NKAIN2: variants seen among roughly 807,000 people sequenced by gnomAD.
NKAIN2 encodes the protein sodium/potassium-transporting ATPase subunit beta-1-interacting protein 2.
In NKAIN2, 14 loss-of-function variants were observed where a neutral mutation model predicts 32.6. That is an observed-to-expected ratio of 0.43 (90% CI 0.28 to 0.67). NKAIN2 has a LOEUF of 0.67. Ranked by LOEUF, NKAIN2 falls within the 30% of genes least tolerant of loss-of-function variation. The pLI is 0.17. For synonymous variants in NKAIN2, 80 were observed against 87.2 expected (o/e 0.92, Z 0.46); for missense variants, 198 against 258.3 (o/e 0.77, Z 1.60).
chr6:124,028,728 T>G (rs1264970247), intron 1 of NKAIN2, among the ~76,000 whole-genome samples: 1 of 149,014 alleles, frequency 6.7e-6, no homozygotes, highest in Non-Finnish European at 1.5e-5. Context: ...TGTATATACG[T>G]GTATACACGT....
intron 1 of NKAIN2, among the ~76,000 whole-genome samples, chr6:124,173,274 T>A (rs901543898): frequency 6.6e-6 from 1 of 152,180 alleles, no homozygotes; most frequent in Non-Finnish European, 1.5e-5. Context: ...GGTTGATTCT[T>A]AACATTTCAT....
intron 1 of NKAIN2, among the ~76,000 whole-genome samples, chr6:123,998,739 C>G (rs1220498110): frequency 1.6e-4 from 15 of 93,796 alleles, no homozygotes; most frequent in South Asian, 4.3e-4. Flanking sequence ...TTCTCTCTCT[C>G]TCTCTGTGTG....
At chr6:124,720,184 G>A (rs1490261104) in intron 4 of NKAIN2, among the ~76,000 whole-genome samples, 2 of 152,160 alleles carry the variant, frequency 1.3e-5, no homozygotes, top group African/African-American at 4.8e-5. Flanking sequence ...AAAGAAATGT[G>A]TAATTAAGCA....
intron 1 of NKAIN2, among the ~76,000 whole-genome samples, chr6:123,853,089 T>C (rs1775417371): frequency 6.6e-6 from 1 of 152,348 alleles, no homozygotes; most frequent in South Asian, 2.1e-4. Context: ...GTCTTGATAC[T>C]GTGTGCCACA....
intron 3 of NKAIN2, among the ~76,000 whole-genome samples, chr6:124,474,055 G>C (rs1777083944): frequency 6.6e-6 from 1 of 151,994 alleles, no homozygotes; most frequent in South Asian, 2.1e-4. Context: ...ATCAGTGGAA[G>C]CCAAAGCACA....
intron 1 of NKAIN2, among the ~76,000 whole-genome samples, chr6:124,146,684 A>AGGTATTCT (rs1787425750): frequency 6.6e-6 from 1 of 152,220 alleles, no homozygotes; most frequent in African/African-American, 2.4e-5. Context: ...ATTAGAAATG[A>AGGTATTCT]ATAAACACAC....
chr6:124,184,027 A>G (rs1286444664), intron 1 of NKAIN2, among the ~76,000 whole-genome samples: 1 of 152,190 alleles, frequency 6.6e-6, no homozygotes, highest in Non-Finnish European at 1.5e-5. Flanking sequence ...GAAAGAGCTC[A>G]GCAGACAGTA....
intron 4 of NKAIN2, among the ~76,000 whole-genome samples, chr6:124,782,540 G>A (rs1779317937): frequency 6.6e-6 from 1 of 152,128 alleles, no homozygotes; most frequent in Non-Finnish European, 1.5e-5. Flanking sequence ...CACTGGGGCA[G>A]CATACTCCTT....
intron 3 of NKAIN2, among the ~76,000 whole-genome samples, chr6:124,457,519 T>A (rs957256501): frequency 6.6e-6 from 1 of 151,930 alleles, no homozygotes; most frequent in Middle Eastern, 3.2e-3. Context: ...GAACTTCTCA[T>A]AAAAATTAAT....
At chr6:124,229,758 C>T (rs1792348118) in intron 1 of NKAIN2, among the ~76,000 whole-genome samples, 1 of 152,052 alleles carries the variant, frequency 6.6e-6, no homozygotes, top group Admixed American at 6.6e-5. Context: ...TGCCTGCTGC[C>T]ATCCATGTAA....
chr6:124,219,318 C>G (rs1370516827), intron 1 of NKAIN2, among the ~76,000 whole-genome samples: 4 of 150,742 alleles, frequency 2.7e-5, no homozygotes, highest in Non-Finnish European at 5.9e-5. Flanking sequence ...TGCTCTGTCG[C>G]CCAGGCTGGA....
chr6:123,834,688 A>G (rs573468191), intron 1 of NKAIN2, among the ~76,000 whole-genome samples: 1 of 152,314 alleles, frequency 6.6e-6, no homozygotes, highest in East Asian at 1.9e-4. Context: ...GCCATTAAGT[A>G]TACTAGCTGT....
rs1346855786 is a variant in NKAIN2, at chr6:124,476,035, AGAGT to A, written c.273+120690_273+120693del. ...GTGTGTGAGCGTGTGTGTGTGTGAG[AGAGT>A]GTGTGTGTGAGAGAGAGAGAGAGAG... On this transcript the variant is annotated intron_variant, in intron 3 of 6. Coordinates refer to ENST00000368417, the MANE Select transcript of NKAIN2 (RefSeq NM_001040214.3). 1.4e-3 allele frequency among the ~76,000 whole-genome samples: 206 copies of A among 145,444 alleles called. 1 individual carries two copies. Among genetic ancestry groups the A allele is most frequent in the African/African-American group, 4.9e-3 (189 of 38,826 alleles).
chr6:124,499,831 G>A (rs1778214951), intron 3 of NKAIN2, among the ~76,000 whole-genome samples: 1 of 152,152 alleles, frequency 6.6e-6, no homozygotes, highest in South Asian at 2.1e-4. Flanking sequence ...AAGTTTGGGG[G>A]CATTAATGAT....
At chr6:124,075,011 G>A (rs1470465180) in intron 1 of NKAIN2, among the ~76,000 whole-genome samples, 4 of 152,112 alleles carry the variant, frequency 2.6e-5, no homozygotes, top group African/African-American at 4.8e-5. Flanking sequence ...AAGGATGAAC[G>A]TACTTACTAG....
intron 1 of NKAIN2, among the ~76,000 whole-genome samples, chr6:123,844,088 T>A (rs1297418150): frequency 6.6e-6 from 1 of 152,044 alleles, no homozygotes; most frequent in Non-Finnish European, 1.5e-5. Flanking sequence ...GGGAGAAAGA[T>A]GGGTGAGAGA....
chr6:124,664,248 C>A (rs1290379714), intron 4 of NKAIN2, among the ~76,000 whole-genome samples: 1 of 150,748 alleles, frequency 6.6e-6, no homozygotes, highest in Non-Finnish European at 1.5e-5. Context: ...TCACTCCAGC[C>A]TGGGCGAGAC....
At position 123,825,700 on chromosome 6, in the gene NKAIN2, C is replaced by G. The variant is rs149984602; in HGVS notation, c.54+21446C>G. 5.6e-3 allele frequency among the ~76,000 whole-genome samples: 846 copies of G among 152,262 alleles called. 5 individuals are homozygous for G. Among genetic ancestry groups the G allele is most frequent in the African/African-American group, 0.019 (806 of 41,548 alleles). ...CTGAAACTGACTCAGCTGTGCAATT[C>G]AGTAACTGTGGACATGTCAAAACAC... is the stretch of plus-strand genomic sequence containing the variant. On this transcript the variant is annotated intron_variant, in intron 1 of 6. Coordinates refer to ENST00000368417, the MANE Select transcript of NKAIN2 (RefSeq NM_001040214.3).
At chr6:123,910,499 GTTTTTTTTT>G (rs35165515) in intron 1 of NKAIN2, among the ~76,000 whole-genome samples, 7 of 81,318 alleles carry the variant, frequency 8.6e-5, no homozygotes, top group East Asian at 3.7e-4. Flanking sequence ...TGCAATGCAT[GTTTTTTTTT>G]TTTTTTTTTT....
Sources: allele counts gnomAD v4.1 joint callset (sites outside exome capture counted in the v4.1 genomes callset), GRCh38; gene constraint gnomAD v4.1.1; transcripts MANE v1.5; gene names NCBI Gene and HGNC (gene_info 2026-07-23, HGNC 2026-07-21).